Variants in AGGF1 observed in about 807,000 individuals in gnomAD.
AGGF1 encodes the protein angiogenic factor with G-patch and FHA domains 1.
A neutral mutation model predicts 86.5 loss-of-function variants in AGGF1; 56 were observed. That is an observed-to-expected ratio of 0.65 (90% CI 0.52 to 0.81). The LOEUF is 0.81. Ranked by LOEUF, AGGF1 falls within the 30% of genes least tolerant of loss-of-function variation. The pLI, the probability that AGGF1 is intolerant of heterozygous loss-of-function variation, is 0.00. For missense variants in AGGF1, 816 were observed against 850.9 expected, an observed-to-expected ratio of 0.96 and a Z score of 0.51; for synonymous variants, 313 against 297.1, an observed-to-expected ratio of 1.05 and a Z score of -0.55.
chr5:77,031,376 T>G (rs75686028), intron 1 of AGGF1, among the ~76,000 whole-genome samples: 2,282 of 152,280 alleles, frequency 0.015, 25 homozygotes, highest in Middle Eastern at 0.051. Flanking sequence ...AGTTCCCCAT[T>G]AAATGAGAAT....
Position 77,035,712 on chromosome 5 carries a change from G to C in AGGF1, c.485G>C (p.Arg162Thr), listed in dbSNP as rs1197907270. 1.2e-6 allele frequency: 2 copies of C among 1,613,402 alleles called. No individual in the cohort carries two copies. The highest frequency in any genetic ancestry group is 1.7e-6 in the Non-Finnish European group (2 of 1,179,686). The change falls in exon 3 of 14, where the codon AGA becomes ACA. Residue 162 changes from arginine to threonine, a missense_variant. Physicochemically the swap from Arg to Thr is moderately conservative, Grantham distance 71 (BLOSUM62 -1). Transcript: ENST00000312916. ...GTDRTENVKY[R>T]QVDHFASNSQ... ...GATAGAACAGAAAATGTTAAATATA[G>C]ACAAGTGGACCATTTTGCCTCAAAT...
At chr5:77,042,179 C>G (rs1319952561) in intron 5 of AGGF1, among the ~76,000 whole-genome samples, 1 of 151,998 alleles carries the variant, frequency 6.6e-6, no homozygotes, top group African/African-American at 2.4e-5. Context: ...TTTCTTAGTG[C>G]AGAACAAAAT....
At chr5:77,043,624 G>A (rs1346130321) in intron 5 of AGGF1, among the ~76,000 whole-genome samples, 5 of 119,796 alleles carry the variant, frequency 4.2e-5, no homozygotes, top group African/African-American at 1.5e-4. Flanking sequence ...GGCCGGGCGG[G>A]GGGGCTGACC....
chr5:77,051,242 G>A (rs1433752432), intron 8 of AGGF1, among the ~76,000 whole-genome samples: 2 of 151,996 alleles, frequency 1.3e-5, no homozygotes, highest in African/African-American at 2.4e-5. Flanking sequence ...GACCATCCTG[G>A]CTAACACGGT....
At chr5:77,048,791 G>A (rs1747319402) in intron 7 of AGGF1, 145 bp from the exon 8 acceptor site, 1 of 773,472 alleles carries the variant, frequency 1.3e-6, no homozygotes, top group Non-Finnish European at 2.2e-6. Flanking sequence ...TAGAGTAGCA[G>A]TAAGGAAACT....
chr5:77,063,207 A>G lies in AGGF1; in HGVS notation c.2100A>G (p.Lys700=). The change falls in exon 14 of 14, where the codon AAA becomes AAG. Residue 700 remains lysine, a synonymous_variant. Transcript: ENST00000312916. ...TENFPETKPQ[K]DDPGTMPWVK... is the part of the protein sequence containing the mutation. ...ACTTCCCAGAAACTAAGCCTCAAAA[A>G]GATGACCCAGGGACCATGCCTTGGG... The G allele has an allele frequency of 1.2e-6, 2 of 1,614,014 alleles. No individual in the cohort carries two copies. Among genetic ancestry groups the G allele is most frequent in the Non-Finnish European group, 1.7e-6 (2 of 1,179,910 alleles).
At chr5:77,052,681 T>C (rs745613257) in intron 8 of AGGF1, 25 bp from the exon 9 acceptor site, 1 of 1,523,536 alleles carries the variant, frequency 6.6e-7, no homozygotes, top group Non-Finnish European at 9.1e-7. Context: ...TAATAATTAA[T>C]AATTGCTTGA....
chr5:77,032,151 A>C (rs1229748788), intron 1 of AGGF1, among the ~76,000 whole-genome samples: 1 of 151,336 alleles, frequency 6.6e-6, no homozygotes, highest in African/African-American at 2.4e-5. Context: ...TTGTATGACC[A>C]TTACATGGAG....
At chr5:77,052,931 G>A (rs981515719) in intron 9 of AGGF1, 124 bp downstream of exon 9, 15 of 809,152 alleles carry the variant, frequency 1.9e-5, no homozygotes, top group Admixed American at 6.7e-5. Context: ...GTGTTACTTC[G>A]GAAGGAATTT....
intron 3 of AGGF1, chr5:77,036,097 C>A: frequency 3.8e-6 from 1 of 261,758 alleles, no homozygotes; most frequent in South Asian, 5.1e-5. Flanking sequence ...TGCCACTATT[C>A]AAATTTCCCT....
chr5:77,043,294 C>T (rs1580128110), intron 5 of AGGF1, among the ~76,000 whole-genome samples: 4 of 22,040 alleles, frequency 1.8e-4, no homozygotes, highest in South Asian at 1.9e-3. Context: ...GACGGGGCGG[C>T]TGGCCGGGCG....
chr5:77,041,354 G>T (rs952339858), intron 5 of AGGF1, among the ~76,000 whole-genome samples: 1 of 152,066 alleles, frequency 6.6e-6, no homozygotes, highest in Non-Finnish European at 1.5e-5. Context: ...GTTGCCTGAG[G>T]TCAGGAGTTC....
Position 77,061,623 on chromosome 5 carries a change from A to G in AGGF1, c.1845-80A>G, listed in dbSNP as rs1223741751. 7.9e-6 allele frequency: 11 copies of G among 1,397,298 alleles called. No homozygotes were observed. The African/African-American group carries it at 1.4e-4, about 18-fold the overall frequency. 86.6% of individuals were successfully genotyped at this position (1,397,298 alleles called of 1,614,324 possible). ...GTTTTCTAAAGTAGTTGTACCAATT[A>G]CTTTTAATTCATGAATTTATTATAA... On this transcript the variant is annotated intron_variant, in intron 12 of 13. Coordinates refer to ENST00000312916, the MANE Select transcript of AGGF1 (RefSeq NM_018046.5).
At chr5:77,045,858 A>G (rs940076690) in intron 5 of AGGF1, among the ~76,000 whole-genome samples, 1 of 152,250 alleles carries the variant, frequency 6.6e-6, no homozygotes, top group African/African-American at 2.4e-5. Context: ...TAAGTGTAAA[A>G]TACACTCTGG....
chr5:77,046,785 A>T, intron 6 of AGGF1, 108 bp downstream of exon 6: 1 of 1,072,496 alleles, frequency 9.3e-7, no homozygotes, highest in South Asian at 1.3e-5. Context: ...GAAAGTAAAC[A>T]TTATTTTAAT....
At chr5:77,056,410 G>A (rs59050258) in intron 11 of AGGF1, among the ~76,000 whole-genome samples, 4,535 of 151,836 alleles carry the variant, frequency 0.03, 131 homozygotes, top group African/African-American at 0.074. Flanking sequence ...TGTATTTTTA[G>A]TAGAGACAAG....
chr5:77,039,613 G>A lies in AGGF1; in HGVS notation c.764G>A (p.Arg255Gln), dbSNP rs914424358. ...VESGRYQFHS[R>Q]VDLQPYPTSS... ...AGTGGTCGTTATCAGTTTCATTCTC[G>A]AGTAGATTTGCAACCTTATCCGACT... is the stretch of plus-strand genomic sequence containing the variant. Residue 255 changes from arginine to glutamine, a missense_variant, in exon 5 of 14, where the codon CGA becomes CAA. This residue lies in a region of AGGF1 where 565 missense variants were observed against 585.8 expected (regional missense o/e 0.96). Coordinates refer to ENST00000312916, the MANE Select transcript of AGGF1 (RefSeq NM_018046.5). The A allele has an allele frequency of 6.8e-6, 11 of 1,612,898 alleles. No homozygotes were observed. Among genetic ancestry groups the A allele is most frequent in the African/African-American group, 1.3e-5 (1 of 74,842 alleles).
At chr5:77,046,184 C>T (rs762175820) in intron 5 of AGGF1, among the ~76,000 whole-genome samples, 163 bp from the exon 6 acceptor site, 4 of 152,072 alleles carry the variant, frequency 2.6e-5, no homozygotes. Flanking sequence ...TATCATTAAC[C>T]AAGAAAGGAA....
chr5:77,056,698 T>G (rs904610442), intron 11 of AGGF1, among the ~76,000 whole-genome samples: 1 of 150,800 alleles, frequency 6.6e-6, no homozygotes, highest in Non-Finnish European at 1.5e-5. Flanking sequence ...TTCTAGAAAC[T>G]TTTTTTTTAA....
Sources: gnomAD v4.1 joint callset for allele counts (sites outside exome capture counted in the v4.1 genomes callset) on GRCh38, gnomAD v4.1.1 for gene constraint, gnomAD v4.1.1 regional missense constraint, MANE v1.5 for transcripts, NCBI Gene and HGNC (gene_info 2026-07-23, HGNC 2026-07-21) for gene names.